SLIT3: variants seen among roughly 807,000 people sequenced by gnomAD.
The protein encoded by SLIT3 is slit guidance ligand 3.
Under a neutral mutation model 184.0 loss-of-function variants are expected in SLIT3, and 68 were observed. That is an observed-to-expected ratio of 0.37 (90% CI 0.30 to 0.45). SLIT3 has a LOEUF of 0.45. Ranked by LOEUF, SLIT3 falls within the 20% of genes least tolerant of loss-of-function variation. SLIT3 has a pLI of 1.00. For synonymous variants in SLIT3, 831 were observed against 828.6 expected, an observed-to-expected ratio of 1.00 and a Z score of -0.05; for missense variants, 1,707 against 2,026.0, an observed-to-expected ratio of 0.84 and a Z score of 3.02.
chr5:168,763,795 T>C (rs1413098824), intron 14 of SLIT3, among the ~76,000 whole-genome samples: 1 of 152,174 alleles, frequency 6.6e-6, no homozygotes, highest in Non-Finnish European at 1.5e-5. Context: ...CACTCAACAT[T>C]TCACTAGCAC....
intron 5 of SLIT3, among the ~76,000 whole-genome samples, chr5:168,867,243 C>T (rs1759338252): frequency 1.3e-5 from 2 of 152,172 alleles, no homozygotes; most frequent in South Asian, 2.1e-4. Context: ...ACCATTATGA[C>T]TTTAAAAAAC....
At chr5:168,909,709 C>G (rs1017333223) in intron 4 of SLIT3, among the ~76,000 whole-genome samples, 2 of 152,154 alleles carry the variant, frequency 1.3e-5, no homozygotes, top group Admixed American at 6.5e-5. Context: ...ACACAAAGAA[C>G]AAAACGATGC....
At chr5:168,910,436 A>G (rs578080673) in intron 4 of SLIT3, among the ~76,000 whole-genome samples, 3 of 152,296 alleles carry the variant, frequency 2.0e-5, no homozygotes, top group South Asian at 2.1e-4. Context: ...CCATATATCA[A>G]TGATGGATTA....
rs1760890798 is a variant in SLIT3, at chr5:168,662,385, T to C, written c.*4069A>G. ...TTCAGTCTGGCAATAGCTTTGTTTCTGGTGAAGGGAAAGGTTAGATCATCC... is the reference window on the plus strand; with the variant it reads ...TTCAGTCTGGCAATAGCTTTGTTTCCGGTGAAGGGAAAGGTTAGATCATCC... On this transcript the variant is annotated 3_prime_UTR_variant, in exon 36 of 36. Transcript: ENST00000519560. 1 of 152,266 alleles carries C rather than the reference T, an allele frequency of 6.6e-6. No individual in the cohort carries two copies. Among genetic ancestry groups the C allele is most frequent in the Non-Finnish European group, 1.5e-5 (1 of 68,068 alleles). 9.4% of individuals were successfully genotyped at this position (152,266 alleles called of 1,614,324 possible).
chr5:168,949,236 T>C (rs997191378), intron 4 of SLIT3, among the ~76,000 whole-genome samples: 3 of 152,216 alleles, frequency 2.0e-5, no homozygotes, highest in Admixed American at 6.5e-5. Context: ...AAGCTTCCCT[T>C]CCAGTAAGTG....
chr5:168,961,931 C>T (rs1405581023), intron 4 of SLIT3, among the ~76,000 whole-genome samples: 1 of 151,740 alleles, frequency 6.6e-6, no homozygotes, highest in Non-Finnish European at 1.5e-5. Context: ...TTTGAAAAGA[C>T]CACTCTGGGT....
chr5:169,249,898 G>A (rs530025738), intron 2 of SLIT3, among the ~76,000 whole-genome samples: 7 of 152,244 alleles, frequency 4.6e-5, no homozygotes, highest in Non-Finnish European at 1.0e-4. Context: ...TCGGTGTGGA[G>A]AGCATCTGCA....
chr5:169,008,045 G>T (rs1411439298), intron 4 of SLIT3, among the ~76,000 whole-genome samples: 1 of 152,166 alleles, frequency 6.6e-6, no homozygotes, highest in Non-Finnish European at 1.5e-5. Context: ...GAGGGCCATT[G>T]TTCTGCCATG....
At chr5:168,705,566 T>C (rs1023420927) in intron 26 of SLIT3, among the ~76,000 whole-genome samples, 8 of 152,112 alleles carry the variant, frequency 5.3e-5, no homozygotes, top group Admixed American at 1.3e-4. Context: ...ATCTTCACCA[T>C]CACCATCAAC....
At chr5:168,812,193 G>A (rs934469747) in intron 8 of SLIT3, among the ~76,000 whole-genome samples, 1 of 152,202 alleles carries the variant, frequency 6.6e-6, no homozygotes, top group Non-Finnish European at 1.5e-5. Flanking sequence ...GCTTACCAGG[G>A]CCTGGGGAGG....
intron 16 of SLIT3, among the ~76,000 whole-genome samples, chr5:168,755,403 T>C (rs1356721587): frequency 4.1e-4 from 8 of 19,444 alleles, no homozygotes; most frequent in East Asian, 3.7e-3. Flanking sequence ...CTTTCTTTCT[T>C]TCTTTCTTTC....
chr5:168,822,401 C>A (rs1481520531), intron 7 of SLIT3, among the ~76,000 whole-genome samples: 1 of 152,202 alleles, frequency 6.6e-6, no homozygotes, highest in Non-Finnish European at 1.5e-5. Context: ...TAGCCCTTGG[C>A]CTTGGCCCTA....
chr5:169,193,389 C>T (rs1763622773), intron 4 of SLIT3, 90 bp downstream of exon 4: 1 of 1,091,976 alleles, frequency 9.2e-7, no homozygotes. Context: ...TGCCAAGCTC[C>T]ACACGGCACG....
At chr5:169,026,023 T>C (rs747586652) in intron 4 of SLIT3, among the ~76,000 whole-genome samples, 1 of 152,174 alleles carries the variant, frequency 6.6e-6, no homozygotes, top group Non-Finnish European at 1.5e-5. Flanking sequence ...CCCCATGCTC[T>C]TGCTGGCATC....
chr5:168,954,312 GA>G (rs1181942904), intron 4 of SLIT3, among the ~76,000 whole-genome samples: 8 of 152,212 alleles, frequency 5.3e-5, no homozygotes, highest in African/African-American at 1.9e-4. Flanking sequence ...TGGCACATAT[GA>G]GGCTCTCCAA....
intron 1 of SLIT3, among the ~76,000 whole-genome samples, chr5:169,270,354 G>A (rs1028235658): frequency 6.6e-6 from 1 of 152,124 alleles, no homozygotes; most frequent in South Asian, 2.1e-4. Flanking sequence ...CCACAGGCCC[G>A]ATCCGGCCCA....
At chr5:169,174,383 T>C (rs773235880) in intron 4 of SLIT3, among the ~76,000 whole-genome samples, 11 of 151,958 alleles carry the variant, frequency 7.2e-5, no homozygotes, top group Non-Finnish European at 1.5e-4. Context: ...GCAGCTGGGG[T>C]GACATTAGAA....
rs7729394 is a variant in SLIT3, at chr5:168,789,521, C to G, written c.1079+39G>C. Reference sequence around the variant, plus strand: ...CGTCTCTCTTCCCTCCAGCGCCCCCCCTCCCCTCACCTCAGGCCCCAACTC... The same window carrying G: ...CGTCTCTCTTCCCTCCAGCGCCCCCGCTCCCCTCACCTCAGGCCCCAACTC... On this transcript the variant is annotated intron_variant, in intron 11 of 35. Transcript: ENST00000519560. The G allele has an allele frequency of 2.3e-3, 3,611 of 1,541,436 alleles. 36 individuals are homozygous for G. In the African/African-American group the frequency reaches 0.03, roughly 13 times the overall value.
At chr5:168,941,981 T>C (rs952609959) in intron 4 of SLIT3, among the ~76,000 whole-genome samples, 2 of 152,142 alleles carry the variant, frequency 1.3e-5, no homozygotes, top group African/African-American at 4.8e-5. Context: ...CTGTCACCTT[T>C]CCTCCAGCCA....
Sources: gnomAD v4.1 joint callset for allele counts (sites outside exome capture counted in the v4.1 genomes callset) on GRCh38, gnomAD v4.1.1 for gene constraint, MANE v1.5 for transcripts, NCBI Gene and HGNC (gene_info 2026-07-23, HGNC 2026-07-21) for gene names.